Variants in FRMPD2 observed in about 807,000 individuals in gnomAD.
FRMPD2 encodes the protein FERM and PDZ domain-containing protein 2.
In FRMPD2, 96 loss-of-function variants were observed where a neutral mutation model predicts 140.1. That is an observed-to-expected ratio of 0.69 (90% CI 0.58 to 0.81). FRMPD2 has a LOEUF of 0.81. FRMPD2 is among the 40% of genes least tolerant of loss of function. FRMPD2 has a pLI of 0.00. For synonymous variants in FRMPD2, 449 were observed against 547.6 expected (o/e 0.82, Z 2.52); for missense variants, 1,240 against 1,447.4 (o/e 0.86, Z 2.32).
intron 12 of FRMPD2, among the ~76,000 whole-genome samples, chr10:48,217,155 A>T (rs967632868): frequency 2.0e-5 from 3 of 152,188 alleles, no homozygotes; most frequent in South Asian, 4.1e-4. Context: ...TGATGTTCTG[A>T]TGGATTACTG....
Position 48,222,361 on chromosome 10 carries a change from C to T in FRMPD2, c.1407G>A (p.Gln469=), listed in dbSNP as rs779880903. ...CAGCCTGCAAGGCAAGGACCCCCAGCTGCAGCAGTATCTCTTCATTGCAGT... is the reference window on the plus strand; with the variant it reads ...CAGCCTGCAAGGCAAGGACCCCCAGTTGCAGCAGTATCTCTTCATTGCAGT... ...RLYCNEEILL[Q]LGVLALQAEF... Residue 469 remains glutamine, a synonymous_variant, in exon 12 of 29, where the codon CAG becomes CAA. Transcript: ENST00000374201. The T allele has an allele frequency of 1.2e-6, 2 of 1,614,094 alleles. No homozygotes were observed. Among genetic ancestry groups the T allele is most frequent in the African/African-American group, 2.7e-5 (2 of 74,942 alleles).
chr10:48,239,891 G>A (rs1186134375), intron 6 of FRMPD2, among the ~76,000 whole-genome samples, 199 bp from the exon 7 acceptor site: 1 of 152,152 alleles, frequency 6.6e-6, no homozygotes, highest in Non-Finnish European at 1.5e-5. Flanking sequence ...GGTTACAAGG[G>A]AAGATAAAGC....
At chr10:48,259,720 T>C (rs1840547449) in intron 1 of FRMPD2, among the ~76,000 whole-genome samples, 1 of 151,948 alleles carries the variant, frequency 6.6e-6, no homozygotes, top group Admixed American at 6.6e-5. Context: ...GGTCATAGCC[T>C]GGGGTAATAG....
At chr10:48,218,192 C>A (rs376681995) in intron 12 of FRMPD2, among the ~76,000 whole-genome samples, 2 of 152,136 alleles carry the variant, frequency 1.3e-5, no homozygotes, top group East Asian at 1.9e-4. Flanking sequence ...TGGATTAGGG[C>A]CCACCCTAAC....
intron 1 of FRMPD2, among the ~76,000 whole-genome samples, chr10:48,257,099 A>G (rs1840503685): frequency 6.6e-6 from 1 of 150,614 alleles, no homozygotes; most frequent in Admixed American, 6.6e-5. Context: ...ATCTGCCCGC[A>G]TTCCTCAGCT....
intron 12 of FRMPD2, among the ~76,000 whole-genome samples, chr10:48,213,017 C>A (rs143440703): frequency 6.6e-6 from 1 of 152,178 alleles, no homozygotes; most frequent in Non-Finnish European, 1.5e-5. Context: ...CCATTTCCCT[C>A]CAGTTGAGGG....
chr10:48,241,069 G>A (rs113202965), intron 5 of FRMPD2, among the ~76,000 whole-genome samples: 4 of 150,218 alleles, frequency 2.7e-5, no homozygotes, highest in African/African-American at 9.8e-5. Context: ...ACCAGTGGAT[G>A]GTAGACCTCA....
At chr10:48,274,144 G>A (rs545794993) in intron 1 of FRMPD2, among the ~76,000 whole-genome samples, 5 of 152,266 alleles carry the variant, frequency 3.3e-5, no homozygotes, top group African/African-American at 9.6e-5. Flanking sequence ...TGCCTTACGC[G>A]TGTCACCCCA....
At chr10:48,222,479 C>T (rs757564799) in intron 11 of FRMPD2, 28 bp from the exon 12 acceptor site, 1 of 1,611,634 alleles carries the variant, frequency 6.2e-7, no homozygotes, top group East Asian at 2.2e-5. Flanking sequence ...ATAAAAAGGG[C>T]TGGGTTGCTA....
chr10:48,213,292 G>A (rs1839373667), intron 12 of FRMPD2, among the ~76,000 whole-genome samples: 1 of 152,206 alleles, frequency 6.6e-6, no homozygotes, highest in East Asian at 1.9e-4. Flanking sequence ...CATTTAGAAT[G>A]CTCTTAGCAT....
intron 1 of FRMPD2, among the ~76,000 whole-genome samples, chr10:48,256,465 G>A (rs1385887231): frequency 6.6e-6 from 1 of 152,082 alleles, no homozygotes; most frequent in African/African-American, 2.4e-5. Context: ...GTCACATTTC[G>A]GTATTTTGTC....
chr10:48,174,987 T>C (rs1838368287), intron 23 of FRMPD2, 32 bp from the exon 24 acceptor site: 1 of 718,458 alleles, frequency 1.4e-6, no homozygotes, highest in Non-Finnish European at 2.4e-6. Context: ...TGTCATGACC[T>C]GGTGCTTGAG....
chr10:48,241,404 C>T (rs1025790461), intron 5 of FRMPD2, among the ~76,000 whole-genome samples: 1 of 152,212 alleles, frequency 6.6e-6, no homozygotes, highest in African/African-American at 2.4e-5. Flanking sequence ...CCTCACTTGC[C>T]CATCCTATCC....
At chr10:48,158,104 C>T (rs1428774753) in intron 28 of FRMPD2, among the ~76,000 whole-genome samples, 2 of 151,234 alleles carry the variant, frequency 1.3e-5, no homozygotes, top group Non-Finnish European at 2.9e-5. Flanking sequence ...TGATTCGGAG[C>T]TCCAGCTACT....
chr10:48,200,864 C>A (rs939551949), intron 15 of FRMPD2, among the ~76,000 whole-genome samples: 2 of 152,172 alleles, frequency 1.3e-5, no homozygotes, highest in Non-Finnish European at 2.9e-5. Flanking sequence ...ATAAATGACA[C>A]CCTAGTAGAC....
rs895671332 is a variant in FRMPD2, at chr10:48,255,186, G to A, written c.26-3495C>T. On this transcript the variant is annotated intron_variant, in intron 1 of 28. Coordinates refer to ENST00000374201, the MANE Select transcript of FRMPD2 (RefSeq NM_001018071.4). ...ACTGACTCCACTATCTGAAGGCTTC[G>A]GGGCTCATCTAGTAGCATAGAAGTC... Among the ~76,000 whole-genome samples, 13 of 152,068 alleles carry A rather than the reference G, an allele frequency of 8.5e-5. No homozygotes were observed. In the East Asian group the frequency reaches 1.3e-3, roughly 16 times the overall value.
At chr10:48,228,772 T>A (rs541902450) in intron 10 of FRMPD2, among the ~76,000 whole-genome samples, 18 of 152,028 alleles carry the variant, frequency 1.2e-4, no homozygotes, top group Non-Finnish European at 2.2e-4. Flanking sequence ...AAGGAAGATA[T>A]GAGAATGTGT....
At position 48,204,220 on chromosome 10, in the gene FRMPD2, A is replaced by T. The variant is rs149789178; in HGVS notation, c.1797+2528T>A. 6.6e-4 allele frequency among the ~76,000 whole-genome samples: 100 copies of T among 152,306 alleles called. 1 individual carries two copies. In the East Asian group the frequency reaches 0.015, roughly 22 times the overall value. On this transcript the variant is annotated intron_variant, in intron 14 of 28. Transcript: ENST00000374201. ...AAACTATAATTTAGTTCTCAAAAAT[A>T]CTCATCTAATTGAAATGCTTCCCTA...
Position 48,185,675 on chromosome 10 carries a change from G to A in FRMPD2, c.2267-30C>T, listed in dbSNP as rs1421316421. The A allele has an allele frequency of 2.6e-6, 4 of 1,545,072 alleles. No homozygotes were observed. In the South Asian group the frequency reaches 3.3e-5, roughly 13 times the overall value. On this transcript the variant is annotated intron_variant, in intron 17 of 28. Transcript: ENST00000374201. ...AGGTAGAATCAGAGCACCACATTGT[G>A]CTTTTCCCCCAAATTATTTGGGAGC...
Sources: gnomAD v4.1 joint callset for allele counts (sites outside exome capture counted in the v4.1 genomes callset) on GRCh38, gnomAD v4.1.1 for gene constraint, MANE v1.5 for transcripts, NCBI Gene and HGNC (gene_info 2026-07-23, HGNC 2026-07-21) for gene names.